SPPL3: variants seen among roughly 807,000 people sequenced by gnomAD.
The protein encoded by SPPL3 is signal peptide peptidase-like 3.
SPPL3 carries 5 observed loss-of-function variants against 42.4 expected under a neutral mutation model. The ratio of observed to expected loss-of-function variants is 0.12; its 90% CI spans 0.06 to 0.25. SPPL3 has a LOEUF of 0.25. Among genes scored for constraint, SPPL3 ranks in the 10% least tolerant of loss-of-function variants. The pLI, the probability that SPPL3 is intolerant of heterozygous loss-of-function variation, is 1.00. For synonymous variants in SPPL3, 195 were observed against 181.8 expected, an observed-to-expected ratio of 1.07 and a Z score of -0.58; for missense variants, 235 against 489.0, an observed-to-expected ratio of 0.48 and a Z score of 4.90.
At chr12:120,846,137 A>AT (rs921032162) in intron 1 of SPPL3, among the ~76,000 whole-genome samples, 9 of 151,816 alleles carry the variant, frequency 5.9e-5, no homozygotes, top group Admixed American at 2.6e-4. Flanking sequence ...CATTACTGAT[A>AT]TTTTTTTTAG....
chr12:120,852,905 A>T (rs2454730), intron 1 of SPPL3, among the ~76,000 whole-genome samples: 85,605 of 112,682 alleles, frequency 0.76, 36,257 homozygotes, highest in Non-Finnish European at 0.93. Context: ...ATATATATAT[A>T]TTTTTTAAGA....
At chr12:120,831,948 C>A (rs1215993014) in intron 1 of SPPL3, among the ~76,000 whole-genome samples, 1 of 152,204 alleles carries the variant, frequency 6.6e-6, no homozygotes, top group Non-Finnish European at 1.5e-5. Flanking sequence ...GCTGACATAA[C>A]ATTTCAGGAC....
intron 1 of SPPL3, among the ~76,000 whole-genome samples, chr12:120,856,503 CTTTTTTTTTTTT>C (rs35137934): frequency 1.1e-4 from 10 of 89,190 alleles, no homozygotes; most frequent in Non-Finnish European, 1.9e-4. Context: ...CAATTTTCAT[CTTTTTTTTTTTT>C]TTTTTTTTTT....
chr12:120,890,770 A>C (rs1873615808), intron 1 of SPPL3, among the ~76,000 whole-genome samples: 2 of 152,256 alleles, frequency 1.3e-5, no homozygotes, highest in Middle Eastern at 6.8e-3. Flanking sequence ...AATTTAAAAT[A>C]TATTAAATAA....
intron 10 of SPPL3, among the ~76,000 whole-genome samples, 159 bp downstream of exon 10, chr12:120,766,098 GCGCACA>G (rs878899541): frequency 0.03 from 4,378 of 143,908 alleles, 194 homozygotes; most frequent in African/African-American, 0.1. Context: ...TAGCGCGCGC[GCGCACA>G]CACACACACA....
rs552375849 is a variant in SPPL3, at chr12:120,888,858, GA to G, written c.23+14986del. Reference sequence around the variant, plus strand: ...GGGTCTTGCTTTGTCACCCAGGGCGGAGTACAATGGGTGCAATCTCAGCTCA... The same window carrying G: ...GGGTCTTGCTTTGTCACCCAGGGCGGGTACAATGGGTGCAATCTCAGCTCA... On this transcript the variant is annotated intron_variant, in intron 1 of 10. Transcript: ENST00000353487. 1.9e-3 allele frequency among the ~76,000 whole-genome samples: 284 copies of G among 152,184 alleles called. 1 individual carries two copies. Among genetic ancestry groups the G allele is most frequent in the African/African-American group, 6.4e-3 (267 of 41,516 alleles).
intron 2 of SPPL3, among the ~76,000 whole-genome samples, chr12:120,800,193 C>T (rs531446467): frequency 2.6e-5 from 4 of 152,194 alleles, no homozygotes; most frequent in African/African-American, 9.6e-5. Flanking sequence ...TGGCTATTTG[C>T]AAGTCTAGGT....
At chr12:120,876,624 A>AAAAAAAAAAAAAAAAAAAAG (rs1873100816) in intron 1 of SPPL3, among the ~76,000 whole-genome samples, 1 of 143,770 alleles carries the variant, frequency 7.0e-6, no homozygotes, top group African/African-American at 2.8e-5. Flanking sequence ...CTCAAAAAAA[A>AAAAAAAAAAAAAAAAAAAAG]AAAAAAAAAA....
At chr12:120,814,533 G>A (rs1870800901) in intron 1 of SPPL3, among the ~76,000 whole-genome samples, 1 of 152,084 alleles carries the variant, frequency 6.6e-6, no homozygotes, top group Non-Finnish European at 1.5e-5. Flanking sequence ...GTTTCTTGCT[G>A]TGTGACATAA....
chr12:120,858,162 T>A (rs556782295), intron 1 of SPPL3, among the ~76,000 whole-genome samples: 26 of 152,168 alleles, frequency 1.7e-4, no homozygotes, highest in Non-Finnish European at 3.1e-4. Context: ...AATATTATTT[T>A]GAAATTTTAA....
At position 120,884,805 on chromosome 12, in the gene SPPL3, T is replaced by TGG. The variant is rs1555254336; in HGVS notation, c.23+19038_23+19039dup. On this transcript the variant is annotated intron_variant, in intron 1 of 10. Transcript: ENST00000353487. ...CTAGAGTTTTTTTGGGTTTTTTTTT[T>TGG]GGGTTTTTTTTTTTTTTTGGCTTTC... Among the ~76,000 whole-genome samples the TGG allele has an allele frequency of 2.1e-4, 16 of 76,696 alleles. 1 individual carries two copies. Among genetic ancestry groups the TGG allele is most frequent in the Admixed American group, 3.5e-4 (2 of 5,638 alleles). 50.3% of individuals were successfully genotyped at this position (76,696 alleles called of 152,430 possible).
chr12:120,807,631 G>A (rs1452794550), intron 2 of SPPL3, among the ~76,000 whole-genome samples: 1 of 148,906 alleles, frequency 6.7e-6, no homozygotes, highest in Non-Finnish European at 1.5e-5. Context: ...CAGAGATTGC[G>A]CCACTGCACT....
intron 1 of SPPL3, among the ~76,000 whole-genome samples, chr12:120,851,271 TCTC>T (rs1482167595): frequency 2.0e-5 from 3 of 151,998 alleles, no homozygotes; most frequent in Non-Finnish European, 2.9e-5. Context: ...ACATACCACT[TCTC>T]CTCCACCAGG....
chr12:120,900,636 G>A (rs1326384667), intron 1 of SPPL3, among the ~76,000 whole-genome samples: 1 of 151,324 alleles, frequency 6.6e-6, no homozygotes, highest in East Asian at 1.9e-4. Context: ...GCCGGGTGTG[G>A]TGGCTCACGC....
At chr12:120,802,487 T>G (rs2136994958) in intron 2 of SPPL3, among the ~76,000 whole-genome samples, 1 of 147,518 alleles carries the variant, frequency 6.8e-6, no homozygotes, top group African/African-American at 2.5e-5. Flanking sequence ...CAGGCTGGAG[T>G]GCAGTGGCGC....
chr12:120,794,533 G>A (rs921250487), intron 2 of SPPL3, among the ~76,000 whole-genome samples: 6 of 152,128 alleles, frequency 3.9e-5, no homozygotes, highest in African/African-American at 1.4e-4. Flanking sequence ...GAGTAGCTGG[G>A]ACTACAGGCG....
intron 2 of SPPL3, among the ~76,000 whole-genome samples, chr12:120,799,575 TG>T (rs1175829484): frequency 6.6e-6 from 1 of 151,872 alleles, no homozygotes; most frequent in African/African-American, 2.4e-5. Flanking sequence ...TATCAGATGG[TG>T]GGGGAGGGTG....
At chr12:120,824,727 G>A (rs1400981168) in intron 1 of SPPL3, among the ~76,000 whole-genome samples, 1 of 152,012 alleles carries the variant, frequency 6.6e-6, no homozygotes, top group Non-Finnish European at 1.5e-5. Context: ...TTGTAGAGAT[G>A]GGGTTTTGCC....
intron 1 of SPPL3, among the ~76,000 whole-genome samples, chr12:120,872,653 G>A (rs1253778767): frequency 6.6e-6 from 1 of 152,126 alleles, no homozygotes; most frequent in Non-Finnish European, 1.5e-5. Context: ...TGCTTGAGAG[G>A]AAGTCTCCCC....
Sources: allele counts gnomAD v4.1 joint callset (sites outside exome capture counted in the v4.1 genomes callset), GRCh38; gene constraint gnomAD v4.1.1; transcripts MANE v1.5; gene names NCBI Gene and HGNC (gene_info 2026-07-23, HGNC 2026-07-21).